Variants in TMC6 observed in about 807,000 individuals in gnomAD.
TMC6 encodes the protein transmembrane channel-like protein 6.
A neutral mutation model predicts 95.4 loss-of-function variants in TMC6; 71 were observed. The observed-to-expected ratio is 0.74, with a 90% confidence interval of 0.61 to 0.91. The LOEUF (loss-of-function observed/expected upper bound fraction) is 0.91, where lower values mean the gene tolerates loss of function less well. Ranked by LOEUF, TMC6 falls within the 40% of genes least tolerant of loss-of-function variation. TMC6 has a pLI of 0.00. For missense variants in TMC6, 1,074 were observed against 1,079.1 expected, an observed-to-expected ratio of 1.00 and a Z score of 0.07; for synonymous variants, 514 against 483.1, an observed-to-expected ratio of 1.06 and a Z score of -0.84.
Position 78,121,449 on chromosome 17 carries a change from C to A in TMC6, c.1383+107G>T. On this transcript the variant is annotated intron_variant, in intron 11 of 19. Transcript: ENST00000590602. This position sits in a 1 kb window ranked among gnomAD's most constrained non-coding sequence, Gnocchi z 5.6. ...GGCACAGCGTACGTGGCACCCTGGG[C>A]TGGCTGGGTGGAGGAGGAGAGGCAA... is the stretch of plus-strand genomic sequence containing the variant. 6.4e-7 allele frequency: 1 copy of A among 1,558,754 alleles called. No homozygotes were observed. Among genetic ancestry groups the A allele is most frequent in the Non-Finnish European group, 8.7e-7 (1 of 1,148,916 alleles).
rs367829541 is a variant in TMC6, at chr17:78,124,132, G to A, written c.939C>T (p.Ala313=). Residue 313 remains alanine, a synonymous_variant, in exon 9 of 20, where the codon GCC becomes GCT. Transcript: ENST00000590602. ...TVMYYGHYSN[A]TLNQPCGSPL... is the part of the protein sequence containing the mutation. ...GGCTGCCACACGGCTGGTTCAGCGT[G>A]GCGTTACTGTAGTGGCCGTAGTACA... 3.1e-6 allele frequency: 5 copies of A among 1,612,788 alleles called. No homozygotes were observed. The highest frequency in any genetic ancestry group is 4.2e-6 in the Non-Finnish European group (5 of 1,179,930).
rs1278335778 is a variant in TMC6 at position 78,121,596 on chromosome 17, C to G, written c.1343G>C (p.Cys448Ser). 6.2e-7 allele frequency: 1 copy of G among 1,611,506 alleles called. No homozygotes were observed. Residue 448 changes from cysteine to serine, a missense_variant, in exon 11 of 20, where the codon TGC (cysteine) becomes TCC (serine). Coordinates refer to ENST00000590602, the MANE Select transcript of TMC6 (RefSeq NM_001127198.5). This position sits in a 1 kb window ranked among gnomAD's most constrained non-coding sequence, Gnocchi z 5.6. ...CGAGAAGACGTGGACGGCCACGGCG[C>G]AGCCCAGCGCGGTCCCCAGACACAG... ...WLLCLGTALGCAVAVHVFSEF... is the reference protein window; with the variant it reads ...WLLCLGTALGSAVAVHVFSEF...
At position 78,109,043 on chromosome 17, in the gene TMC6, G is replaced by A. The variant is rs533764696; in HGVS notation, c.*4105C>T. 1 of 186,328 alleles carries A rather than the reference G, an allele frequency of 5.4e-6. No individual in the cohort carries two copies. Among genetic ancestry groups the A allele is most frequent in the East Asian group, 1.5e-4 (1 of 6,662 alleles). 11.5% of individuals were successfully genotyped at this position (186,328 alleles called of 1,614,324 possible). On this transcript the variant is annotated 3_prime_UTR_variant, in exon 20 of 20. Transcript: ENST00000590602. ...TCATTTTTTATTTTTGTAGAGATAGGGTCTCACCATGTTGCCCAGGCTGAT... is the reference window on the plus strand; with the variant it reads ...TCATTTTTTATTTTTGTAGAGATAGAGTCTCACCATGTTGCCCAGGCTGAT...
chr17:78,125,617 G>C, intron 5 of TMC6, 109 bp downstream of exon 5: 3 of 1,475,880 alleles, frequency 2.0e-6, no homozygotes, highest in South Asian at 2.6e-5. Flanking sequence ...GGATAGGAGA[G>C]GGGCCTCTGG....
intron 2 of TMC6, 54 bp downstream of exon 2, chr17:78,126,723 C>T: frequency 6.2e-7 from 1 of 1,612,066 alleles, no homozygotes; most frequent in Non-Finnish European, 8.5e-7. Flanking sequence ...CAGGTGACCT[C>T]TCCGTGGGGG....
Position 78,112,332 on chromosome 17 carries a change from C to A in TMC6, c.*816G>T. ...TGGGCTGGTCCCTGCAGACCTGGAG[C>A]ACGGGGTCATGACGGGCTGGTCCCC... On this transcript the variant is annotated 3_prime_UTR_variant, in exon 20 of 20. Transcript: ENST00000590602. 1 of 194,762 alleles carries A rather than the reference C, an allele frequency of 5.1e-6. No homozygotes were observed. The highest frequency in any genetic ancestry group is 6.2e-5 in the South Asian group (1 of 16,070). 12.1% of individuals were successfully genotyped at this position (194,762 alleles called of 1,614,324 possible).
At chr17:78,123,147 C>G (rs2074498543) in intron 9 of TMC6, 1 of 346,928 alleles carries the variant, frequency 2.9e-6, no homozygotes. Flanking sequence ...CAAGTGCCGC[C>G]TCCCCTGGGA....
chr17:78,116,536 G>A (rs983606420), intron 18 of TMC6, among the ~76,000 whole-genome samples: 2 of 151,736 alleles, frequency 1.3e-5, no homozygotes, highest in Non-Finnish European at 2.9e-5. Flanking sequence ...GCCTCCCAAA[G>A]CATTGGGACT....
In TMC6 at chr17:78,110,142, G is replaced by A. The variant is rs529623223; in HGVS notation, c.*3006C>T. On this transcript the variant is annotated 3_prime_UTR_variant, in exon 20 of 20. Transcript: ENST00000590602. ...CAAATCAACTCAATCAGAATCTCTC[G>A]GGGTGGGCCTCAGGCACCAGTGTTT... 23 of 153,200 alleles carry A rather than the reference G, an allele frequency of 1.5e-4. No individual in the cohort carries two copies. The highest frequency in any genetic ancestry group is 5.5e-4 in the African/African-American group (23 of 41,492). The allele number at this position is 153,200 out of a possible 1,614,324, so 9.5% of individuals were successfully genotyped here.
At chr17:78,119,508 C>T in intron 13 of TMC6, 116 bp from the exon 14 acceptor site, 2 of 1,035,442 alleles carry the variant, frequency 1.9e-6, no homozygotes, top group East Asian at 5.1e-5. Context: ...GGCCGTTCCA[C>T]AGATAATGCC....
intron 18 of TMC6, among the ~76,000 whole-genome samples, chr17:78,115,694 G>A (rs1165924117): frequency 3.3e-5 from 2 of 61,454 alleles, no homozygotes; most frequent in Non-Finnish European, 6.4e-5. Context: ...GAAGGGAGTG[G>A]GCACAGGGGC....
chr17:78,119,510 G>C, intron 13 of TMC6, 118 bp from the exon 14 acceptor site: 4 of 1,039,040 alleles, frequency 3.8e-6, no homozygotes, highest in Non-Finnish European at 5.9e-6. Flanking sequence ...CCGTTCCACA[G>C]ATAATGCCAA....
intron 15 of TMC6, 135 bp from the exon 16 acceptor site, chr17:78,118,070 C>T (rs1209130915): frequency 2.8e-6 from 4 of 1,448,598 alleles, no homozygotes; most frequent in African/African-American, 2.9e-5. Context: ...CCTGCAGCCT[C>T]CTCATTTACA....
intron 13 of TMC6, chr17:78,119,821 T>G (rs1283325620): frequency 2.7e-6 from 1 of 368,288 alleles, no homozygotes; most frequent in Non-Finnish European, 5.1e-6. Flanking sequence ...ATTTTTATTT[T>G]TATTTCTTTA....
rs1337405657 is a variant in TMC6 at position 78,112,189 on chromosome 17, C to A, written c.*959G>T. 2 of 234,152 alleles carry A rather than the reference C, an allele frequency of 8.5e-6. No homozygotes were observed. The highest frequency in any genetic ancestry group is 1.7e-5 in the Non-Finnish European group (2 of 117,734). The allele number at this position is 234,152 out of a possible 1,614,324, so 14.5% of individuals were successfully genotyped here. On this transcript the variant is annotated 3_prime_UTR_variant, in exon 20 of 20. Transcript: ENST00000590602. ...CCCCACAGACCTGGAGCACTGGGGT[C>A]ATGACGGGCTGGTCCCCGCAGGCCT... is the stretch of plus-strand genomic sequence containing the variant.
Position 78,128,571 on chromosome 17 carries a change from T to C in TMC6, c.-75+41A>G, listed in dbSNP as rs1426573718. ...GCTGTCCCCGCATAGGAGAAGCAGC[T>C]GGGGCTGGCGGGACCCGGGACCGGG... On this transcript the variant is annotated intron_variant, in intron 1 of 19. Transcript: ENST00000590602. This position sits in a 1 kb window ranked among gnomAD's most constrained non-coding sequence, Gnocchi z 4.0. 1 of 152,316 alleles carries C rather than the reference T, an allele frequency of 6.6e-6. No individual in the cohort carries two copies. The highest frequency in any genetic ancestry group is 1.5e-5 in the Non-Finnish European group (1 of 68,178). 9.4% of individuals were successfully genotyped at this position (152,316 alleles called of 1,614,324 possible). A position where few individuals can be genotyped will look rare whatever the true frequency, so the allele number is the denominator to read the frequency against.
At chr17:78,131,270 C>T (rs778280959), upstream of TMC6, 1 of 496,166 alleles carries the variant, frequency 2.0e-6, no homozygotes, top group Non-Finnish European at 3.7e-6. Flanking sequence ...ATCTTTCACC[C>T]CATTTGACAG....
In TMC6 at chr17:78,126,496, A is replaced by C. The variant is rs776267041; in HGVS notation, c.181+28T>G. 3.1e-6 allele frequency: 5 copies of C among 1,612,260 alleles called. No individual in the cohort carries two copies. In the South Asian group the frequency reaches 4.4e-5, roughly 14 times the overall value. Reference sequence around the variant, plus strand: ...CTGGGGCACCCAAGTCTTGGTCCACACCACCCAGCATCCAGGCCTGAGCTC... The same window carrying C: ...CTGGGGCACCCAAGTCTTGGTCCACCCCACCCAGCATCCAGGCCTGAGCTC... On this transcript the variant is annotated intron_variant, in intron 3 of 19. Coordinates refer to ENST00000590602, the MANE Select transcript of TMC6 (RefSeq NM_001127198.5).
Position 78,113,100 on chromosome 17 carries a change from TG to T in TMC6, c.*47del. On this transcript the variant is annotated 3_prime_UTR_variant, in exon 20 of 20. Coordinates refer to ENST00000590602, the MANE Select transcript of TMC6 (RefSeq NM_001127198.5). ...CAGCAGGGTCACTGGGAGGCAACAG[TG>T]TGGTCTCAGGGTGCTGGGCGGGCCC... is the stretch of plus-strand genomic sequence containing the variant. 6.5e-7 allele frequency: 1 copy of T among 1,546,156 alleles called. No homozygotes were observed. The highest frequency in any genetic ancestry group is 2.4e-5 in the East Asian group (1 of 40,910).
Sources: gnomAD v4.1 joint callset for allele counts (sites outside exome capture counted in the v4.1 genomes callset) on GRCh38, gnomAD v4.1.1 for gene constraint, Gnocchi (gnomAD v3.1) non-coding constraint, MANE v1.5 for transcripts, NCBI Gene and HGNC (gene_info 2026-07-23, HGNC 2026-07-21) for gene names.